The following GPC6 variants were observed in gnomAD, a reference collection of about 807,000 sequenced individuals.
GPC6 encodes the protein glypican 6.
Under a neutral mutation model 55.2 loss-of-function variants are expected in GPC6, and 14 were observed. The observed-to-expected ratio is 0.25, with a 90% CI of 0.17 to 0.40. The LOEUF is 0.40. Among genes scored for constraint, GPC6 ranks in the 10% least tolerant of loss-of-function variants. The pLI is 1.00. For synonymous variants in GPC6, 278 were observed against 259.6 expected (o/e 1.07, Z -0.68); for missense variants, 641 against 708.5 (o/e 0.90, Z 1.08).
At chr13:94,352,792 T>C (rs531790976) in intron 6 of GPC6, among the ~76,000 whole-genome samples, 4 of 152,340 alleles carry the variant, frequency 2.6e-5, no homozygotes, top group African/African-American at 9.6e-5. Flanking sequence ...ACCCAACTGA[T>C]CTAGCCCACT....
rs545563940 is a variant in GPC6 at position 93,756,928 on chromosome 13, G to A, written c.320-73226G>A. Among the ~76,000 whole-genome samples the A allele has an allele frequency of 1.6e-3, 244 of 152,226 alleles. 1 individual carries two copies. The highest frequency in any genetic ancestry group is 2.9e-3 in the Non-Finnish European group (195 of 68,018). The stretch of plus-strand genomic sequence containing the variant: ...AAAGAGATGTAAAATTGGTTTTCCA[G>A]ACTTAAGTTCCACAACCCGTTTAAT... On this transcript the variant is annotated intron_variant, in intron 2 of 8. Coordinates refer to ENST00000377047, the MANE Select transcript of GPC6 (RefSeq NM_005708.5).
intron 3 of GPC6, among the ~76,000 whole-genome samples, chr13:93,905,614 G>A (rs182076014): frequency 6.6e-6 from 1 of 152,312 alleles, no homozygotes; most frequent in African/African-American, 2.4e-5. Context: ...CAGGAGGATA[G>A]AAGCTAATTT....
intron 1 of GPC6, among the ~76,000 whole-genome samples, chr13:93,425,939 T>C (rs534161770): frequency 1.6e-4 from 25 of 152,242 alleles, no homozygotes; most frequent in African/African-American, 5.8e-4. Context: ...TTCTTTGATT[T>C]CTCCTCCCGC....
intron 1 of GPC6, among the ~76,000 whole-genome samples, chr13:93,402,956 A>T (rs937275814): frequency 1.3e-4 from 20 of 152,176 alleles, no homozygotes; most frequent in Admixed American, 6.6e-4. Flanking sequence ...TAATTTTTTT[A>T]AAAAAATTAT....
At chr13:93,406,784 C>G (rs1056306686) in intron 1 of GPC6, among the ~76,000 whole-genome samples, 1 of 152,066 alleles carries the variant, frequency 6.6e-6, no homozygotes, top group Non-Finnish European at 1.5e-5. Context: ...CCATTCTTGC[C>G]AAATCTACTC....
intron 1 of GPC6, among the ~76,000 whole-genome samples, chr13:93,412,956 T>A (rs1374925280): frequency 6.6e-6 from 1 of 152,166 alleles, no homozygotes; most frequent in Admixed American, 6.5e-5. Context: ...ATAAATTATA[T>A]CTGGAAACCT....
intron 2 of GPC6, among the ~76,000 whole-genome samples, chr13:93,781,719 A>T (rs1323587872): frequency 6.6e-6 from 1 of 152,218 alleles, no homozygotes; most frequent in Non-Finnish European, 1.5e-5. Context: ...CACAAAAGTC[A>T]GGGCTAATAG....
chr13:93,951,207 C>T (rs1306507469), intron 3 of GPC6, among the ~76,000 whole-genome samples: 2 of 152,166 alleles, frequency 1.3e-5, no homozygotes, highest in East Asian at 3.9e-4. Flanking sequence ...AAACTCTTTT[C>T]ATCTCCAGTA....
chr13:93,405,146 T>C (rs1351106930), intron 1 of GPC6, among the ~76,000 whole-genome samples: 11 of 152,194 alleles, frequency 7.2e-5, no homozygotes, highest in Admixed American at 7.2e-4. Flanking sequence ...CCAGAGATGC[T>C]ATCATTCTTA....
At chr13:94,334,823 C>T (rs989642539) in intron 6 of GPC6, among the ~76,000 whole-genome samples, 1 of 152,188 alleles carries the variant, frequency 6.6e-6, no homozygotes, top group Non-Finnish European at 1.5e-5. Context: ...CAGCTTTAAG[C>T]TCTGCCCTTT....
intron 3 of GPC6, among the ~76,000 whole-genome samples, chr13:93,912,578 C>T (rs1440290859): frequency 1.3e-5 from 2 of 152,034 alleles, no homozygotes; most frequent in Admixed American, 6.6e-5. Flanking sequence ...CCCATCTCTA[C>T]TAAAAATACA....
intron 1 of GPC6, among the ~76,000 whole-genome samples, chr13:93,326,795 A>G (rs1879673781): frequency 6.6e-6 from 1 of 152,208 alleles, no homozygotes; most frequent in South Asian, 2.1e-4. Flanking sequence ...GGTAAAAAAG[A>G]GAAAACAAAA....
intron 1 of GPC6, among the ~76,000 whole-genome samples, chr13:93,411,323 A>T (rs1876485866): frequency 6.6e-6 from 1 of 152,116 alleles, no homozygotes; most frequent in African/African-American, 2.4e-5. Context: ...AGTCACAAGG[A>T]TTGCTGTGAC....
intron 2 of GPC6, among the ~76,000 whole-genome samples, chr13:93,592,360 AAT>A (rs34179629): frequency 2.8e-5 from 4 of 144,880 alleles, no homozygotes; most frequent in Non-Finnish European, 3.0e-5. Flanking sequence ...ATATATGTAA[AAT>A]ATATATATAT....
At chr13:93,414,291 A>G (rs1163532774) in intron 1 of GPC6, among the ~76,000 whole-genome samples, 1 of 152,108 alleles carries the variant, frequency 6.6e-6, no homozygotes, top group East Asian at 1.9e-4. Context: ...AAGATGCTTC[A>G]TTCTCCATCA....
intron 5 of GPC6, among the ~76,000 whole-genome samples, chr13:94,298,560 C>T (rs982879935): frequency 3.3e-5 from 5 of 152,220 alleles, no homozygotes; most frequent in East Asian, 3.9e-4. Flanking sequence ...CCAGCACCCA[C>T]GGCTCTGATA....
chr13:93,738,038 C>T (rs1003273714), intron 2 of GPC6, among the ~76,000 whole-genome samples: 9 of 152,204 alleles, frequency 5.9e-5, no homozygotes, highest in African/African-American at 2.2e-4. Flanking sequence ...CACTTTTTTA[C>T]CTGGACAAAC....
chr13:93,921,431 C>A (rs1009900887), intron 3 of GPC6, among the ~76,000 whole-genome samples: 4 of 152,070 alleles, frequency 2.6e-5, no homozygotes, highest in Non-Finnish European at 5.9e-5. Flanking sequence ...GTCACACAGA[C>A]AAAATGGAGG....
chr13:93,568,323 TTGTTA>T (rs1176719724), intron 2 of GPC6, among the ~76,000 whole-genome samples: 1 of 152,198 alleles, frequency 6.6e-6, no homozygotes, highest in African/African-American at 2.4e-5. Flanking sequence ...CTCTTTTTAA[TTGTTA>T]TGTTCAGGCA....
Sources: allele counts gnomAD v4.1 joint callset (sites outside exome capture counted in the v4.1 genomes callset), GRCh38; gene constraint gnomAD v4.1.1; transcripts MANE v1.5; gene names NCBI Gene and HGNC (gene_info 2026-07-23, HGNC 2026-07-21).